The following GRM7 variants were observed in gnomAD, a reference collection of about 807,000 sequenced individuals.
The protein encoded by GRM7 is metabotropic glutamate receptor 7.
Under a neutral mutation model 84.5 loss-of-function variants are expected in GRM7, and 35 were observed. The ratio of observed to expected loss-of-function variants is 0.41; its 90% confidence interval spans 0.32 to 0.55. The LOEUF is 0.55. Ranked by LOEUF, GRM7 falls within the 20% of genes least tolerant of loss-of-function variation. The pLI, the probability that GRM7 is intolerant of heterozygous loss-of-function variation, is 0.19. For missense variants in GRM7, 1,003 were observed against 1,194.6 expected (o/e 0.84, Z 2.36); for synonymous variants, 487 against 455.1 (o/e 1.07, Z -0.89).
chr3:7,276,797 TCC>T (rs1699084311), intron 2 of GRM7, among the ~76,000 whole-genome samples: 2 of 1,422 alleles, frequency 1.4e-3, no homozygotes, highest in African/African-American at 3.4e-3. Flanking sequence ...CTTCCTTCCT[TCC>T]TTCCTTTTTG....
chr3:7,577,591 A>G (rs1695028474), intron 7 of GRM7, among the ~76,000 whole-genome samples: 1 of 152,204 alleles, frequency 6.6e-6, no homozygotes, highest in East Asian at 1.9e-4. Context: ...TAATGCCATT[A>G]TTTCTCAGAA....
At chr3:6,865,838 T>C (rs1477779542) in intron 1 of GRM7, among the ~76,000 whole-genome samples, 1 of 152,070 alleles carries the variant, frequency 6.6e-6, no homozygotes, top group Non-Finnish European at 1.5e-5. Flanking sequence ...TGGTGAAATT[T>C]ATTAGAAAGG....
intron 4 of GRM7, chr3:7,403,079 T>C: frequency 2.7e-6 from 1 of 369,020 alleles, no homozygotes; most frequent in Non-Finnish European, 5.5e-6. Flanking sequence ...GGCAACATGG[T>C]TCTTCTATAG....
At chr3:7,034,963 C>T (rs1464819275) in intron 1 of GRM7, among the ~76,000 whole-genome samples, 1 of 152,150 alleles carries the variant, frequency 6.6e-6, no homozygotes, top group Non-Finnish European at 1.5e-5. Flanking sequence ...CTGGATGAGT[C>T]AGGCTTGTAC....
intron 7 of GRM7, among the ~76,000 whole-genome samples, chr3:7,492,260 T>C (rs1019453218): frequency 6.6e-6 from 1 of 152,202 alleles, no homozygotes; most frequent in Non-Finnish European, 1.5e-5. Context: ...TCTTCCACTT[T>C]CTAAAACAGG....
chr3:7,483,618 A>G (rs1009853265), intron 7 of GRM7, among the ~76,000 whole-genome samples: 1 of 152,202 alleles, frequency 6.6e-6, no homozygotes, highest in African/African-American at 2.4e-5. Context: ...AAAGCCGTGT[A>G]GTGATTATAA....
chr3:7,418,237 C>T (rs1304069089), intron 5 of GRM7, among the ~76,000 whole-genome samples: 1 of 152,142 alleles, frequency 6.6e-6, no homozygotes, highest in Non-Finnish European at 1.5e-5. Context: ...GAGAGCTAGA[C>T]ATTCTTCCTC....
rs1406213630 is a variant in GRM7 at position 7,671,431 on chromosome 3, C to T, written c.2452-8618C>T. On this transcript the variant is annotated intron_variant, in intron 8 of 9. Transcript: ENST00000357716. The stretch of plus-strand genomic sequence containing the variant: ...AGATGCAGGTGATTCCAAGCATGAA[C>T]ATAATCACTTATCTCATGCTCCAGA... Among the ~76,000 whole-genome samples, 3 of 152,180 alleles carry T rather than the reference C, an allele frequency of 2.0e-5. No individual in the cohort carries two copies. In the East Asian group the frequency reaches 5.8e-4, roughly 29 times the overall value.
At chr3:7,042,764 A>G (rs1313137266) in intron 1 of GRM7, among the ~76,000 whole-genome samples, 2 of 152,074 alleles carry the variant, frequency 1.3e-5, no homozygotes, top group African/African-American at 2.4e-5. Flanking sequence ...CTGTTTTAAT[A>G]TCTATATTTC....
intron 2 of GRM7, among the ~76,000 whole-genome samples, chr3:7,227,858 G>T (rs1318613722): frequency 1.3e-5 from 2 of 152,136 alleles, no homozygotes; most frequent in Non-Finnish European, 2.9e-5. Flanking sequence ...CAACATAATG[G>T]CTTAGATTAT....
chr3:7,689,657 C>T (rs1259107639), intron 9 of GRM7, among the ~76,000 whole-genome samples: 1 of 152,236 alleles, frequency 6.6e-6, no homozygotes. Flanking sequence ...TGAATGTTTA[C>T]ATGGCTACTA....
chr3:6,959,809 G>A (rs1216540792), intron 1 of GRM7, among the ~76,000 whole-genome samples: 3 of 152,072 alleles, frequency 2.0e-5, no homozygotes, highest in Non-Finnish European at 2.9e-5. Flanking sequence ...CTCATTGTCC[G>A]TATGGTGATT....
intron 3 of GRM7, among the ~76,000 whole-genome samples, chr3:7,302,557 G>A (rs767673297): frequency 7.9e-5 from 12 of 152,010 alleles, no homozygotes; most frequent in East Asian, 3.9e-4. Context: ...ATTGTATGTC[G>A]TTTTATATTT....
intron 5 of GRM7, among the ~76,000 whole-genome samples, chr3:7,441,910 A>G (rs1187525880): frequency 1.3e-5 from 2 of 151,728 alleles, no homozygotes; most frequent in African/African-American, 4.8e-5. Flanking sequence ...GTTGGGTAAT[A>G]TAATGCCTTC....
intron 2 of GRM7, among the ~76,000 whole-genome samples, chr3:7,170,797 C>T (rs1694958473): frequency 6.6e-6 from 1 of 152,116 alleles, no homozygotes. Context: ...GATTGAGTTA[C>T]AAAGGAAATA....
At position 7,366,956 on chromosome 3, in the gene GRM7, A is replaced by G. The variant is rs569239203; in HGVS notation, c.1034-48067A>G. Among the ~76,000 whole-genome samples, 6 of 111,990 alleles carry G rather than the reference A, an allele frequency of 5.4e-5. No individual in the cohort carries two copies. The South Asian group carries it at 2.1e-3, about 39-fold the overall frequency. The allele number at this position is 111,990 out of a possible 152,430, so 73.5% of individuals were successfully genotyped here. On this transcript the variant is annotated intron_variant, in intron 4 of 9. Coordinates refer to ENST00000357716, the MANE Select transcript of GRM7 (RefSeq NM_000844.4). ...TAATGAATTATTTAATGAATCTTAA[A>G]ATTATCTTGGAAGTACTTTTGTCTA...
At chr3:6,935,801 T>G (rs944339593) in intron 1 of GRM7, among the ~76,000 whole-genome samples, 2 of 151,942 alleles carry the variant, frequency 1.3e-5, no homozygotes, top group East Asian at 3.9e-4. Context: ...GTTCAAGCAA[T>G]TCTCCTGCCT....
chr3:7,721,766 G>T (rs533482426), intron 9 of GRM7, among the ~76,000 whole-genome samples: 74 of 152,290 alleles, frequency 4.9e-4, no homozygotes, highest in African/African-American at 1.7e-3. Flanking sequence ...AGTTGACATG[G>T]TTGTATGCAA....
At chr3:7,121,120 G>C (rs542036924) in intron 1 of GRM7, among the ~76,000 whole-genome samples, 1 of 152,128 alleles carries the variant, frequency 6.6e-6, no homozygotes, top group African/African-American at 2.4e-5. Context: ...AGATGAAAGA[G>C]TATTATCATG....
Sources: gnomAD v4.1 joint callset for allele counts (sites outside exome capture counted in the v4.1 genomes callset) on GRCh38, gnomAD v4.1.1 for gene constraint, MANE v1.5 for transcripts, NCBI Gene and HGNC (gene_info 2026-07-23, HGNC 2026-07-21) for gene names.